The following LOC128462377 variants were observed in gnomAD, a reference collection of about 807,000 sequenced individuals.
chr16:89,353,669 A>G, the LOC128462377 span, among the ~76,000 whole-genome samples: 92 of 152,208 alleles, frequency 6.0e-4, 3 homozygotes, highest in South Asian at 0.018. Context: ...TAGTAGAGAC[A>G]GGGTTTCATC....
chr16:89,363,493 A>G, the LOC128462377 span, among the ~76,000 whole-genome samples: 1 of 147,908 alleles, frequency 6.8e-6, no homozygotes, highest in East Asian at 2.0e-4. Context: ...AAAAAAAAAA[A>G]GATTCAGTCT....
the LOC128462377 span, among the ~76,000 whole-genome samples, chr16:89,358,758 C>T: frequency 2.0e-5 from 3 of 152,184 alleles, no homozygotes; most frequent in Non-Finnish European, 2.9e-5. Flanking sequence ...GATAACCCCA[C>T]GTGCAAACCA....
chr16:89,376,093 A>C, the LOC128462377 span, among the ~76,000 whole-genome samples: 6 of 152,314 alleles, frequency 3.9e-5, no homozygotes, highest in Admixed American at 2.6e-4. Context: ...TTTGTGAAAT[A>C]CCTTTTTATC....
the LOC128462377 span, among the ~76,000 whole-genome samples, chr16:89,345,371 G>A: frequency 1.3e-5 from 2 of 151,820 alleles, no homozygotes; most frequent in African/African-American, 4.8e-5. Context: ...CATCTGGGGA[G>A]GCTCTGCCCT....
the LOC128462377 span, among the ~76,000 whole-genome samples, chr16:89,372,463 A>C: frequency 2.7e-4 from 41 of 152,292 alleles, 1 homozygote; most frequent in Admixed American, 2.6e-3. Context: ...CCAGCTGCCC[A>C]CTGAGTCACT....
chr16:89,404,200 G>A, the LOC128462377 span, among the ~76,000 whole-genome samples: 1 of 152,160 alleles, frequency 6.6e-6, no homozygotes, highest in African/African-American at 2.4e-5. Flanking sequence ...AGGCAGCATG[G>A]GGTTGAGAGG....
chr16:89,349,844 G>A, the LOC128462377 span, among the ~76,000 whole-genome samples: 6 of 140,856 alleles, frequency 4.3e-5, no homozygotes, highest in Non-Finnish European at 9.2e-5. Context: ...TAAAAATACA[G>A]GCCAAATACT....
the LOC128462377 span, among the ~76,000 whole-genome samples, chr16:89,328,202 T>C: frequency 6.6e-6 from 1 of 152,170 alleles, no homozygotes; most frequent in African/African-American, 2.4e-5. Context: ...TACTCAAGGA[T>C]GCTGGAGAGG....
chr16:89,337,089 G>C, the LOC128462377 span, among the ~76,000 whole-genome samples: 1 of 151,224 alleles, frequency 6.6e-6, no homozygotes, highest in Non-Finnish European at 1.5e-5. Context: ...GGGAGGCTGA[G>C]ATGGGAGGAT....
chr16:89,343,075 C>T, the LOC128462377 span, among the ~76,000 whole-genome samples: 106 of 152,310 alleles, frequency 7.0e-4, 1 homozygote, highest in African/African-American at 2.5e-3. Context: ...GGCTGGAGTG[C>T]AGTGGTGCGA....
At chr16:89,381,654 C>T in the LOC128462377 span, among the ~76,000 whole-genome samples, 2 of 152,288 alleles carry the variant, frequency 1.3e-5, no homozygotes, top group Admixed American at 6.5e-5. Context: ...GTCACAAATG[C>T]GCATCACAGA....
At chr16:89,399,488 TGCCAGG>T in the LOC128462377 span, among the ~76,000 whole-genome samples, 1 of 152,164 alleles carries the variant, frequency 6.6e-6, no homozygotes, top group African/African-American at 2.4e-5. Flanking sequence ...GATCAGCGAA[TGCCAGG>T]GGCTGGGGAG....
At chr16:89,389,258 C>G in the LOC128462377 span, among the ~76,000 whole-genome samples, 1 of 151,990 alleles carries the variant, frequency 6.6e-6, no homozygotes, top group East Asian at 1.9e-4. Flanking sequence ...CTCCTGGGCT[C>G]AAGCAATCTT....
At chr16:89,376,011 G>A in the LOC128462377 span, among the ~76,000 whole-genome samples, 4 of 152,092 alleles carry the variant, frequency 2.6e-5, no homozygotes, top group African/African-American at 7.2e-5. Context: ...CCAGCAGAAG[G>A]GCCATCACAA....
the LOC128462377 span, among the ~76,000 whole-genome samples, chr16:89,347,155 C>A: frequency 3.3e-5 from 5 of 152,146 alleles, no homozygotes; most frequent in Non-Finnish European, 7.3e-5. Flanking sequence ...CAGCAAGCAG[C>A]TTGCTGAAAT....
the LOC128462377 span, among the ~76,000 whole-genome samples, chr16:89,337,748 G>A: frequency 2.0e-5 from 3 of 152,164 alleles, no homozygotes; most frequent in East Asian, 5.8e-4. Flanking sequence ...CCTGGTCTAA[G>A]CAATTCTAAC....
At chr16:89,383,107 A>C in the LOC128462377 span, among the ~76,000 whole-genome samples, 1 of 152,336 alleles carries the variant, frequency 6.6e-6, no homozygotes, top group East Asian at 1.9e-4. Flanking sequence ...ATAGGTTTTA[A>C]AAGCTGGGTG....
chr16:89,341,526 C>T, the LOC128462377 span, among the ~76,000 whole-genome samples: 2 of 152,084 alleles, frequency 1.3e-5, no homozygotes, highest in African/African-American at 2.4e-5. Context: ...GCAGTGACAC[C>T]AGCTGATTTC....
At chr16:89,407,076 C>T in the LOC128462377 span, among the ~76,000 whole-genome samples, 3 of 151,580 alleles carry the variant, frequency 2.0e-5, no homozygotes, top group Non-Finnish European at 4.4e-5. Flanking sequence ...ACCCCAGGTA[C>T]TCGGGAGGCT....
Sources: allele counts gnomAD v4.1 joint callset (sites outside exome capture counted in the v4.1 genomes callset), GRCh38; gene constraint gnomAD v4.1.1; transcripts MANE v1.5.